MAN2A1: variants seen among roughly 807,000 people sequenced by gnomAD.
The protein encoded by MAN2A1 is mannosidase alpha class 2A member 1.
In MAN2A1, 76 loss-of-function variants were observed where a neutral mutation model predicts 142.6. The ratio of observed to expected loss-of-function variants is 0.53; its 90% CI spans 0.44 to 0.65. The LOEUF is 0.65. Among genes scored for constraint, MAN2A1 ranks in the 30% least tolerant of loss-of-function variants. The pLI, the probability that MAN2A1 is intolerant of heterozygous loss-of-function variation, is 0.00. For missense variants in MAN2A1, 1,311 were observed against 1,365.1 expected (o/e 0.96, Z 0.62); for synonymous variants, 559 against 473.2 (o/e 1.18, Z -2.35).
chr5:109,722,034 A>C (rs140211870), intron 3 of MAN2A1, among the ~76,000 whole-genome samples: 1 of 152,350 alleles, frequency 6.6e-6, no homozygotes, highest in African/African-American at 2.4e-5. Flanking sequence ...TGTTCATGGC[A>C]GGGCTAGGTT....
intron 2 of MAN2A1, among the ~76,000 whole-genome samples, chr5:109,714,238 C>A (rs1397873490): frequency 6.7e-6 from 1 of 150,092 alleles, no homozygotes; most frequent in African/African-American, 2.5e-5. Flanking sequence ...TAGAGCTGTA[C>A]TTTCCAGTAT....
intron 17 of MAN2A1, among the ~76,000 whole-genome samples, chr5:109,842,842 G>A (rs1210902732): frequency 5.6e-5 from 6 of 107,686 alleles, no homozygotes; most frequent in Non-Finnish European, 7.2e-5. Flanking sequence ...GTCTCGCTCT[G>A]TTGCCCAGGC....
intron 16 of MAN2A1, among the ~76,000 whole-genome samples, chr5:109,831,764 GTTAT>G (rs1259606117): frequency 6.6e-6 from 1 of 151,682 alleles, no homozygotes; most frequent in African/African-American, 2.4e-5. Context: ...TCAGAGCCTT[GTTAT>G]TGGTCAGTCT....
At chr5:109,763,990 A>G (rs1418897844) in intron 5 of MAN2A1, among the ~76,000 whole-genome samples, 1 of 151,866 alleles carries the variant, frequency 6.6e-6, no homozygotes, top group Non-Finnish European at 1.5e-5. Flanking sequence ...TAATAGAGAC[A>G]GGGTTTTACC....
At chr5:109,712,980 G>A (rs1031308094) in intron 1 of MAN2A1, among the ~76,000 whole-genome samples, 3 of 152,132 alleles carry the variant, frequency 2.0e-5, no homozygotes, top group East Asian at 1.9e-4. Context: ...GAATGACTTC[G>A]GGTATGGTTA....
At chr5:109,859,536 C>G (rs900729277) in intron 20 of MAN2A1, among the ~76,000 whole-genome samples, 1 of 152,040 alleles carries the variant, frequency 6.6e-6, no homozygotes, top group Non-Finnish European at 1.5e-5. Context: ...TGTCTTTCAA[C>G]TCTTTTCCTT....
intron 19 of MAN2A1, among the ~76,000 whole-genome samples, chr5:109,851,971 T>C (rs1755492867): frequency 6.6e-6 from 1 of 152,026 alleles, no homozygotes; most frequent in Non-Finnish European, 1.5e-5. Flanking sequence ...TGAGGACATA[T>C]CCCACCAAGA....
In MAN2A1 at chr5:109,713,705, A is replaced by C. The variant is rs772930103; in HGVS notation, c.321A>C (p.Leu107Phe). 2.5e-6 allele frequency: 4 copies of C among 1,614,102 alleles called. No individual in the cohort carries two copies. In the South Asian group the frequency reaches 4.4e-5, roughly 18 times the overall value. The change falls in exon 2 of 22, where the codon TTA (leucine) becomes TTC (phenylalanine). Residue 107 changes from leucine (L) to phenylalanine (F), a missense_variant. Transcript: ENST00000261483. ...GCTCACATCTTCTGCCCTCACAATTATCCCTCTCAGTTGACACTGCAGACT... is the reference window on the plus strand; with the variant it reads ...GCTCACATCTTCTGCCCTCACAATTCTCCCTCTCAGTTGACACTGCAGACT... ...GAGSHLLPSQ[L>F]SLSVDTADCL...
chr5:109,744,790 C>G (rs1228055536), intron 4 of MAN2A1, among the ~76,000 whole-genome samples: 3 of 152,052 alleles, frequency 2.0e-5, no homozygotes, highest in African/African-American at 7.2e-5. Flanking sequence ...AAAAAATGTT[C>G]ACAAAAAGAC....
At chr5:109,708,796 A>G (rs781574449) in intron 1 of MAN2A1, among the ~76,000 whole-genome samples, 10 of 152,220 alleles carry the variant, frequency 6.6e-5, no homozygotes, top group Admixed American at 2.0e-4. Flanking sequence ...CTGACATCCA[A>G]TGGCAGGAGA....
intron 5 of MAN2A1, 53 bp downstream of exon 5, chr5:109,755,509 G>A (rs1752665667): frequency 1.4e-6 from 2 of 1,416,546 alleles, no homozygotes; most frequent in Admixed American, 1.9e-5. Flanking sequence ...TAATTTTCGG[G>A]ATGTGAAGTG....
intron 16 of MAN2A1, chr5:109,840,639 G>A (rs1037669801): frequency 4.3e-6 from 2 of 461,084 alleles, no homozygotes; most frequent in Admixed American, 2.4e-5. Context: ...TCCCTGGGAC[G>A]TTTAAACACA....
At chr5:109,692,210 C>G (rs1302189536) in intron 1 of MAN2A1, among the ~76,000 whole-genome samples, 1 of 152,108 alleles carries the variant, frequency 6.6e-6, no homozygotes, top group Non-Finnish European at 1.5e-5. Context: ...AAAGCTAATT[C>G]CAGTATTGTA....
At chr5:109,749,028 AT>A (rs1042032881) in intron 4 of MAN2A1, among the ~76,000 whole-genome samples, 2 of 151,964 alleles carry the variant, frequency 1.3e-5, no homozygotes, top group Non-Finnish European at 2.9e-5. Context: ...TTCATTTAAA[AT>A]TTTTTTAAAA....
At chr5:109,796,965 C>T (rs1753880291) in intron 12 of MAN2A1, among the ~76,000 whole-genome samples, 1 of 152,148 alleles carries the variant, frequency 6.6e-6, no homozygotes, top group Non-Finnish European at 1.5e-5. Flanking sequence ...GGTTTTGCAT[C>T]CCCTGGCAAA....
intron 16 of MAN2A1, among the ~76,000 whole-genome samples, chr5:109,828,271 GAATT>G (rs774117712): frequency 9.2e-5 from 14 of 152,082 alleles, no homozygotes; most frequent in Non-Finnish European, 1.8e-4. Context: ...AGGGAGGTGG[GAATT>G]AATTTTTCTT....
intron 20 of MAN2A1, among the ~76,000 whole-genome samples, chr5:109,860,563 C>T (rs2112441744): frequency 6.6e-6 from 1 of 152,256 alleles, no homozygotes; most frequent in South Asian, 2.1e-4. Context: ...AAAGTTATGG[C>T]CCCTCTCTTC....
intron 21 of MAN2A1, chr5:109,865,455 C>T: frequency 2.9e-6 from 1 of 339,024 alleles, no homozygotes; most frequent in South Asian, 2.9e-5. Context: ...TTTCTCCTCC[C>T]CTGAACCACA....
At chr5:109,696,185 C>G (rs1209369511) in intron 1 of MAN2A1, among the ~76,000 whole-genome samples, 2 of 151,934 alleles carry the variant, frequency 1.3e-5, no homozygotes, top group Non-Finnish European at 2.9e-5. Context: ...ACTGCAATCT[C>G]CACCTCCCGG....
Sources: allele counts gnomAD v4.1 joint callset (sites outside exome capture counted in the v4.1 genomes callset), GRCh38; gene constraint gnomAD v4.1.1; transcripts MANE v1.5; gene names NCBI Gene and HGNC (gene_info 2026-07-23, HGNC 2026-07-21).